Variants in ROS1 observed in about 807,000 individuals in gnomAD.
ROS1 encodes the protein proto-oncogene tyrosine-protein kinase ROS.
In ROS1, 263 loss-of-function variants were observed where a neutral mutation model predicts 273.5. The observed-to-expected ratio is 0.96, with a 90% CI of 0.87 to 1.06. ROS1 has a LOEUF of 1.06. Ranked by LOEUF, ROS1 falls within the 50% of genes least tolerant of loss-of-function variation. The pLI is 0.00. For missense variants in ROS1, 2,833 were observed against 2,751.1 expected (o/e 1.03, Z -0.67); for synonymous variants, 1,008 against 954.1 (o/e 1.06, Z -1.04).
chr6:117,345,668 C>T (rs1374580417), intron 27 of ROS1, among the ~76,000 whole-genome samples: 2 of 152,178 alleles, frequency 1.3e-5, no homozygotes, highest in African/African-American at 2.4e-5. Context: ...CTTGATGAAG[C>T]CAGCTCCTTC....
At chr6:117,382,593 G>A (rs1223144582) in intron 17 of ROS1, among the ~76,000 whole-genome samples, 1 of 152,090 alleles carries the variant, frequency 6.6e-6, no homozygotes, top group African/African-American at 2.4e-5. Context: ...TTAAAATTTA[G>A]AAACTTAGAT....
chr6:117,410,807 G>A (rs541585606), intron 4 of ROS1, among the ~76,000 whole-genome samples: 1 of 152,284 alleles, frequency 6.6e-6, no homozygotes, highest in Non-Finnish European at 1.5e-5. Flanking sequence ...AAAAGGAAGG[G>A]TGCCTGATAA....
Position 117,297,515 on chromosome 6 carries a change from A to T in ROS1, c.6715+3459T>A, listed in dbSNP as rs547037856. Among the ~76,000 whole-genome samples the T allele has an allele frequency of 1.1e-4, 17 of 152,210 alleles. No individual in the cohort carries two copies. In the South Asian group the frequency reaches 3.5e-3, roughly 32 times the overall value. ...AATATACAAGGAATTCAAACACTCA[A>T]CAACAACAAACAAGCAAATAATCCC... On this transcript the variant is annotated intron_variant, in intron 43 of 43. Coordinates refer to ENST00000368507, the MANE Select transcript of ROS1 (RefSeq NM_001378902.1).
intron 14 of ROS1, among the ~76,000 whole-genome samples, chr6:117,387,540 T>C (rs772109238): frequency 5.4e-4 from 82 of 152,192 alleles, no homozygotes; most frequent in Non-Finnish European, 9.8e-4. Context: ...TTAAAAAATA[T>C]CTTGGAAAGT....
At chr6:117,317,921 C>G (rs1299239648) in intron 38 of ROS1, among the ~76,000 whole-genome samples, 1 of 152,080 alleles carries the variant, frequency 6.6e-6, no homozygotes, top group East Asian at 1.9e-4. Flanking sequence ...ATGTCAAAAG[C>G]CAAACAGCTT....
intron 43 of ROS1, among the ~76,000 whole-genome samples, chr6:117,297,609 A>G (rs779348727): frequency 3.3e-5 from 5 of 152,328 alleles, no homozygotes; most frequent in South Asian, 2.1e-4. Context: ...ACCAACAGGT[A>G]TATGGAAAAA....
Position 117,359,911 on chromosome 6 carries a change from T to A in ROS1, c.3531A>T (p.Arg1177Ser), listed in dbSNP as rs1228020371. The stretch of plus-strand genomic sequence containing the variant: ...CTGTGTAGCAAACGGCACTGATAAC[T>A]CTTTCTGCTGAAAACGTCCACACAA... ...NQVVWTFSAE[R>S]VISAVCYTAD... Residue 1177 changes from arginine to serine, a missense_variant, in exon 24 of 44, where the codon AGA (arginine) becomes AGT (serine). Arg to Ser is a moderately radical substitution (Grantham distance 110). Transcript: ENST00000368507. 1 of 1,613,816 alleles carries A rather than the reference T, an allele frequency of 6.2e-7. No homozygotes were observed. The highest frequency in any genetic ancestry group is 8.5e-7 in the Non-Finnish European group (1 of 1,179,776).
rs1345498592 is a variant in ROS1 at position 117,341,121 on chromosome 6, C to T, written c.5061+14G>A. 1 of 1,556,386 alleles carries T rather than the reference C, an allele frequency of 6.4e-7. No individual in the cohort carries two copies. The highest frequency in any genetic ancestry group is 1.4e-5 in the African/African-American group (1 of 72,672). ...TTCTATATCATAAAATAAAGACTTG[C>T]ATTAAAAGTCTACCTTCTGTAGCTC... On this transcript the variant is annotated intron_variant, in intron 31 of 43. Coordinates refer to ENST00000368507, the MANE Select transcript of ROS1 (RefSeq NM_001378902.1).
At chr6:117,362,554 C>G (rs1779889781) in intron 22 of ROS1, 49 bp downstream of exon 22, 1 of 1,554,146 alleles carries the variant, frequency 6.4e-7, no homozygotes, top group Middle Eastern at 1.7e-4. Context: ...TCCCTCTCCC[C>G]ACAATGCCGC....
chr6:117,411,760 C>A (rs1322065932), intron 4 of ROS1, among the ~76,000 whole-genome samples: 2 of 152,104 alleles, frequency 1.3e-5, no homozygotes, highest in African/African-American at 2.4e-5. Flanking sequence ...GAACAATTGG[C>A]TTTTTTCATG....
At chr6:117,414,607 C>T in intron 3 of ROS1, 62 bp from the exon 4 acceptor site, 2 of 692,104 alleles carry the variant, frequency 2.9e-6, no homozygotes, top group Non-Finnish European at 5.1e-6. Context: ...TTTAGTGACA[C>T]TGAGCTGTAC....
chr6:117,296,471 A>G (rs1205755195), intron 43 of ROS1, among the ~76,000 whole-genome samples: 2 of 152,214 alleles, frequency 1.3e-5, no homozygotes, highest in East Asian at 3.8e-4. Context: ...CTATTCAGCT[A>G]TAAAAAGAAT....
chr6:117,344,132 A>C lies in ROS1; in HGVS notation c.4434T>G (p.Thr1478=). 6.2e-7 allele frequency: 1 copy of C among 1,613,942 alleles called. No individual in the cohort carries two copies. The highest frequency in any genetic ancestry group is 8.5e-7 in the Non-Finnish European group (1 of 1,179,912). Residue 1478 remains threonine (T), a synonymous_variant, in exon 28 of 44, where the codon ACT becomes ACG. Coordinates refer to ENST00000368507, the MANE Select transcript of ROS1 (RefSeq NM_001378902.1). The part of the protein sequence containing the change: ...NLTWYGITSP[T]PTYLVYYAEV... ...CTGCATAATAAACCAGGTATGTTGG[A>C]GTAGGGCTGGTGATGCCATACCATG...
intron 12 of ROS1, among the ~76,000 whole-genome samples, chr6:117,391,853 A>G (rs1652011074): frequency 6.6e-6 from 1 of 152,222 alleles, no homozygotes; most frequent in African/African-American, 2.4e-5. Context: ...TAGAATAATA[A>G]AAGTACTTAT....
At chr6:117,373,221 GC>G (rs1206590404) in intron 18 of ROS1, among the ~76,000 whole-genome samples, 1 of 152,208 alleles carries the variant, frequency 6.6e-6, no homozygotes, top group African/African-American at 2.4e-5. Context: ...AGCCCATCTG[GC>G]TTCGCCTAGT....
At position 117,341,304 on chromosome 6, in the gene ROS1, G is replaced by A. The variant is rs367999236; in HGVS notation, c.4892C>T (p.Ala1631Val). The A allele has an allele frequency of 4.3e-6, 7 of 1,612,562 alleles. No individual in the cohort carries two copies. In the East Asian group the frequency reaches 1.6e-4, roughly 36 times the overall value. Residue 1631 changes from alanine to valine, a missense_variant, in exon 31 of 44, where the codon GCC (alanine) becomes GTC (valine). Transcript: ENST00000368507. The stretch of plus-strand genomic sequence containing the variant: ...ACACCACATTTCCTCAGAGTGGCAG[G>A]CAAGAACCTTTTGGTAAAAAAGAAC... ...GGNIYVLKVL[A>V]CHSEEMWCTE...
At chr6:117,333,070 AAAAAT>A (rs1777205454) in intron 32 of ROS1, among the ~76,000 whole-genome samples, 1 of 152,038 alleles carries the variant, frequency 6.6e-6, no homozygotes, top group Non-Finnish European at 1.5e-5. Flanking sequence ...GTTTTTTTTA[AAAAAT>A]AAAATAAATA....
intron 33 of ROS1, chr6:117,328,322 A>G (rs1776795837): frequency 8.0e-6 from 2 of 249,264 alleles, no homozygotes; most frequent in South Asian, 2.9e-4. Context: ...GTAGCACTTA[A>G]GGTGTTACTC....
intron 18 of ROS1, among the ~76,000 whole-genome samples, chr6:117,374,084 CA>C (rs1398496711): frequency 2.0e-5 from 3 of 152,132 alleles, no homozygotes; most frequent in Non-Finnish European, 2.9e-5. Context: ...TCTACAAATT[CA>C]ATGTAATTCC....
Sources: allele counts gnomAD v4.1 joint callset (sites outside exome capture counted in the v4.1 genomes callset), GRCh38; gene constraint gnomAD v4.1.1; transcripts MANE v1.5; gene names NCBI Gene and HGNC (gene_info 2026-07-23, HGNC 2026-07-21).